The following C12orf54 variants were observed in gnomAD, a reference collection of about 807,000 sequenced individuals.
C12orf54 encodes the protein chromosome 12 open reading frame 54, also known as uncharacterized protein C12orf54.
Under a neutral mutation model 26.4 loss-of-function variants are expected in C12orf54, and 24 were observed. That is an observed-to-expected ratio of 0.91 (90% CI 0.66 to 1.28). The LOEUF (loss-of-function observed/expected upper bound fraction) is 1.28, where lower values mean the gene tolerates loss of function less well. C12orf54 is among the 50% of genes most tolerant of loss of function. The pLI, the probability that C12orf54 is intolerant of heterozygous loss-of-function variation, is 0.00. For synonymous variants in C12orf54, 54 were observed against 47.0 expected (o/e 1.15, Z -0.61); for missense variants, 154 against 150.9 (o/e 1.02, Z -0.11).
chr12:48,418,816 A>AT, the C12orf54 span, among the ~76,000 whole-genome samples: 1 of 152,040 alleles, frequency 6.6e-6, no homozygotes, highest in Non-Finnish European at 1.5e-5. Context: ...GTTAAAAAAA[A>AT]TTTTAATATG....
chr12:48,416,611 T>C, the C12orf54 span, among the ~76,000 whole-genome samples: 15 of 152,068 alleles, frequency 9.9e-5, no homozygotes, highest in African/African-American at 3.6e-4. Context: ...CCTGTAATCC[T>C]AGCACTTTGG....
chr12:48,435,414 C>CA, the C12orf54 span, among the ~76,000 whole-genome samples: 2 of 152,096 alleles, frequency 1.3e-5, no homozygotes, highest in Non-Finnish European at 2.9e-5. Flanking sequence ...CAGAGAATGC[C>CA]ACAAAGATAC....
the C12orf54 span, among the ~76,000 whole-genome samples, chr12:48,453,349 T>A: frequency 6.6e-6 from 1 of 151,240 alleles, no homozygotes; most frequent in South Asian, 2.1e-4. Context: ...GGGTGGGGGA[T>A]GGGAAGAGGG....
At chr12:48,461,843 C>T in the C12orf54 span, among the ~76,000 whole-genome samples, 1 of 151,316 alleles carries the variant, frequency 6.6e-6, no homozygotes, top group Non-Finnish European at 1.5e-5. Context: ...AATTAAGATC[C>T]AATAAAACCA....
chr12:48,441,617 G>A, the C12orf54 span, among the ~76,000 whole-genome samples: 1 of 152,176 alleles, frequency 6.6e-6, no homozygotes, highest in African/African-American at 2.4e-5. Flanking sequence ...ATGATTAACA[G>A]TGTCTCTTGG....
the C12orf54 span, among the ~76,000 whole-genome samples, chr12:48,453,347 G>A: frequency 6.6e-6 from 1 of 151,718 alleles, no homozygotes; most frequent in Non-Finnish European, 1.5e-5. Flanking sequence ...GAGGGTGGGG[G>A]ATGGGAAGAG....
At chr12:48,473,045 C>T in the C12orf54 span, 1 of 1,614,148 alleles carries the variant, frequency 6.2e-7, no homozygotes, top group South Asian at 1.1e-5. Context: ...AGGTAACCAA[C>T]CTGAACAACT....
At chr12:48,421,324 A>G in the C12orf54 span, among the ~76,000 whole-genome samples, 1 of 121,952 alleles carries the variant, frequency 8.2e-6, no homozygotes, top group African/African-American at 3.0e-5. Flanking sequence ...GAGCGCAGGG[A>G]GGTGCCACAC....
chr12:48,420,842 A>G, the C12orf54 span, among the ~76,000 whole-genome samples: 1 of 152,122 alleles, frequency 6.6e-6, no homozygotes. Flanking sequence ...AATAAAGTCT[A>G]CCTTGCCTGT....
chr12:48,423,687 A>G, the C12orf54 span, among the ~76,000 whole-genome samples: 1 of 152,114 alleles, frequency 6.6e-6, no homozygotes, highest in East Asian at 1.9e-4. Flanking sequence ...TAGAAATACA[A>G]TTGATTTTTA....
the C12orf54 span, among the ~76,000 whole-genome samples, chr12:48,439,067 A>C: frequency 6.6e-6 from 1 of 152,170 alleles, no homozygotes; most frequent in Non-Finnish European, 1.5e-5. Flanking sequence ...AAGAAAAAAA[A>C]CAAACAACCC....
At chr12:48,432,428 A>C in the C12orf54 span, among the ~76,000 whole-genome samples, 2 of 152,210 alleles carry the variant, frequency 1.3e-5, no homozygotes, top group East Asian at 3.8e-4. Flanking sequence ...AACAAAAAAG[A>C]ACTCTCTTAA....
the C12orf54 span, among the ~76,000 whole-genome samples, chr12:48,433,107 G>A: frequency 3.9e-4 from 60 of 152,142 alleles, no homozygotes; most frequent in African/African-American, 1.4e-3. Context: ...AAAATAGATG[G>A]TATCTGGTAA....
At chr12:48,471,989 C>G in the C12orf54 span, among the ~76,000 whole-genome samples, 2 of 152,080 alleles carry the variant, frequency 1.3e-5, no homozygotes, top group African/African-American at 2.4e-5. Context: ...GGATGTTTTT[C>G]CACTTATTTG....
chr12:48,470,762 T>C, the C12orf54 span, among the ~76,000 whole-genome samples: 1 of 152,136 alleles, frequency 6.6e-6, no homozygotes. Context: ...AACAAGGGCA[T>C]TTCCTAGGTT....
the C12orf54 span, chr12:48,473,562 G>A: frequency 1.3e-5 from 4 of 315,868 alleles, no homozygotes; most frequent in African/African-American, 2.2e-5. Context: ...TGTACTGGGG[G>A]TTGTGAGGGA....
chr12:48,422,027 G>A, the C12orf54 span, among the ~76,000 whole-genome samples: 1 of 152,182 alleles, frequency 6.6e-6, no homozygotes. Flanking sequence ...AATGCGGATG[G>A]TGTATCTATT....
At chr12:48,428,039 C>A in the C12orf54 span, among the ~76,000 whole-genome samples, 1 of 152,142 alleles carries the variant, frequency 6.6e-6, no homozygotes, top group Admixed American at 6.5e-5. Flanking sequence ...CATGAAAATA[C>A]ATGGAAATTA....
the C12orf54 span, among the ~76,000 whole-genome samples, chr12:48,424,653 A>G: frequency 6.6e-6 from 1 of 152,192 alleles, no homozygotes; most frequent in East Asian, 1.9e-4. Context: ...AGCAGTTTCC[A>G]ATAGAGTTAA....
Sources: allele counts gnomAD v4.1 joint callset (sites outside exome capture counted in the v4.1 genomes callset), GRCh38; gene constraint gnomAD v4.1.1; transcripts MANE v1.5; gene names NCBI Gene and HGNC (gene_info 2026-07-23, HGNC 2026-07-21).